The following EDEM1 variants were observed in gnomAD, a reference collection of about 807,000 sequenced individuals.
EDEM1 encodes the protein ER degradation enhancing alpha-mannosidase like protein 1, also known as ER degradation-enhancing alpha-mannosidase-like protein 1.
Under a neutral mutation model 74.4 loss-of-function variants are expected in EDEM1, and 67 were observed. That is an observed-to-expected ratio of 0.90 (90% CI 0.74 to 1.10). The LOEUF (loss-of-function observed/expected upper bound fraction) is 1.10. Ranked by LOEUF, EDEM1 falls within the 50% of genes least tolerant of loss-of-function variation. EDEM1 has a pLI of 0.00. For synonymous variants in EDEM1, 382 were observed against 335.9 expected (o/e 1.14, Z -1.50); for missense variants, 926 against 851.6 (o/e 1.09, Z -1.09).
rs149898371 is a variant in EDEM1, at chr3:5,202,559, T to C, written c.859-407T>C. 1.4e-3 allele frequency among the ~76,000 whole-genome samples: 212 copies of C among 152,334 alleles called. 1 individual carries two copies. Among genetic ancestry groups the C allele is most frequent in the African/African-American group, 5.0e-3 (207 of 41,576 alleles). On this transcript the variant is annotated intron_variant, in intron 4 of 11. Coordinates refer to ENST00000256497, the MANE Select transcript of EDEM1 (RefSeq NM_014674.3). The stretch of plus-strand genomic sequence containing the variant: ...CATATTCTGGTAGTGCCTCCTTTCT[T>C]GCCCAGTTTGAGGTTTGTTTAGGTG...
In EDEM1 at chr3:5,188,313, C is replaced by T. The variant is rs1450718455; in HGVS notation, c.508C>T (p.Pro170Ser). 3 of 1,490,728 alleles carry T rather than the reference C, an allele frequency of 2.0e-6. No homozygotes were observed. The highest frequency in any genetic ancestry group is 2.8e-5 in the East Asian group (1 of 35,910). The allele number at this position is 1,490,728 out of a possible 1,614,324, so 92.3% of individuals were successfully genotyped here. A position where few individuals can be genotyped will look rare whatever the true frequency, so the allele number is the denominator to read the frequency against. The change falls in exon 1 of 12, where the codon CCT becomes TCT. Residue 170 changes from proline to serine, a missense_variant and splice_region_variant. By Grantham distance (74) the Pro-to-Ser change is moderately conservative. Coordinates refer to ENST00000256497, the MANE Select transcript of EDEM1 (RefSeq NM_014674.3). ...CRGRGPDRGDPSNLNINDVLG... is the reference protein window; with the variant it reads ...CRGRGPDRGDSSNLNINDVLG... Reference sequence around the variant, plus strand: ...CGGCCGTGGGCCCGACCGCGGGGACCCGTGAGTAGCCCCCGCCGCCCGGGG... The same window carrying T: ...CGGCCGTGGGCCCGACCGCGGGGACTCGTGAGTAGCCCCCGCCGCCCGGGG...
chr3:5,188,536 C>G (rs2054858464), intron 1 of EDEM1: 2 of 429,108 alleles, frequency 4.7e-6, no homozygotes, highest in Non-Finnish European at 7.9e-6. Context: ...CTCCCGGAAT[C>G]TCCAAACTTC....
intron 1 of EDEM1, among the ~76,000 whole-genome samples, chr3:5,194,304 T>C (rs962325141): frequency 3.3e-5 from 5 of 152,238 alleles, no homozygotes; most frequent in Non-Finnish European, 7.3e-5. Flanking sequence ...TCTGCACTTA[T>C]TTTCTGGATT....
chr3:5,208,768 T>TAC (rs200676068), intron 8 of EDEM1, among the ~76,000 whole-genome samples: 2,416 of 151,086 alleles, frequency 0.016, 71 homozygotes, highest in African/African-American at 0.054. Flanking sequence ...TGTATATATA[T>TAC]ATACACACAC....
rs547341405 is a variant in EDEM1, at chr3:5,204,607, G to C, written c.1043-460G>C. Among the ~76,000 whole-genome samples, 9 of 152,194 alleles carry C rather than the reference G, an allele frequency of 5.9e-5. No individual in the cohort carries two copies. In the East Asian group the frequency reaches 1.7e-3, roughly 29 times the overall value. ...GAGTTTCACCATGTTGCCCAGGCTG[G>C]TCTCGAACTCCTGAGCTCAAGCGAT... On this transcript the variant is annotated intron_variant, in intron 5 of 11. Transcript: ENST00000256497.
chr3:5,207,060 C>G, intron 6 of EDEM1, 93 bp from the exon 7 acceptor site: 2 of 1,529,168 alleles, frequency 1.3e-6, no homozygotes, highest in East Asian at 2.3e-5. Context: ...AATGTTAATT[C>G]CGTTTAAATG....
chr3:5,202,814 G>T, intron 4 of EDEM1, 152 bp from the exon 5 acceptor site: 1 of 592,408 alleles, frequency 1.7e-6, no homozygotes. Flanking sequence ...TTTAATTCCC[G>T]TATTCACCTC....
At chr3:5,213,613 G>T in intron 11 of EDEM1, 91 bp downstream of exon 11, 1 of 1,254,078 alleles carries the variant, frequency 8.0e-7, no homozygotes, top group Non-Finnish European at 1.1e-6. Context: ...ACAGAAAATT[G>T]ATGGTGTATG....
In EDEM1 at chr3:5,202,956, C is replaced by T. The variant is rs771690579; in HGVS notation, c.859-10C>T. ...GTTTTGTCACAGTCTTTGTCTGTTCCCATCCCCAGGTGAATCTAAAGACAG... is the reference window on the plus strand; with the variant it reads ...GTTTTGTCACAGTCTTTGTCTGTTCTCATCCCCAGGTGAATCTAAAGACAG... On this transcript the variant is annotated splice_polypyrimidine_tract_variant and intron_variant, in intron 4 of 11. Transcript: ENST00000256497. 6.2e-7 allele frequency: 1 copy of T among 1,612,424 alleles called. No homozygotes were observed. The highest frequency in any genetic ancestry group is 1.7e-5 in the Admixed American group (1 of 59,846).
rs2054850542 is a variant in EDEM1 at position 5,188,151 on chromosome 3, A to G, written c.346A>G (p.Lys116Glu). The G allele has an allele frequency of 6.5e-7, 1 of 1,539,480 alleles. No individual in the cohort carries two copies. Among genetic ancestry groups the G allele is most frequent in the Non-Finnish European group, 8.7e-7 (1 of 1,143,416 alleles). ...GGGCCGCGGCCCGGACGAGTACGAG[A>G]AGCGCTACAGCGGCGCCTTCCCTCC... The part of the protein sequence containing the change: ...GRGRGPDEYE[K>E]RYSGAFPPQL... The change falls in exon 1 of 12, where the codon AAG becomes GAG. Residue 116 changes from lysine to glutamate, a missense_variant. Physicochemically the swap from Lys to Glu is moderately conservative, Grantham distance 56. Coordinates refer to ENST00000256497, the MANE Select transcript of EDEM1 (RefSeq NM_014674.3).
At chr3:5,212,639 A>G (rs528719408) in intron 10 of EDEM1, among the ~76,000 whole-genome samples, 7 of 152,338 alleles carry the variant, frequency 4.6e-5, no homozygotes, top group Admixed American at 1.3e-4. Context: ...TGACCAATAA[A>G]GTTTCAAAGA....
At chr3:5,204,750 G>C (rs1320542409) in intron 5 of EDEM1, among the ~76,000 whole-genome samples, 1 of 152,134 alleles carries the variant, frequency 6.6e-6, no homozygotes, top group Non-Finnish European at 1.5e-5. Flanking sequence ...GCAGTACTGG[G>C]TTAAAGTCTG....
At chr3:5,213,901 ATCT>A (rs1040128209) in intron 11 of EDEM1, among the ~76,000 whole-genome samples, 5 of 152,304 alleles carry the variant, frequency 3.3e-5, no homozygotes, top group East Asian at 3.9e-4. Flanking sequence ...CTGCTGGAGC[ATCT>A]TCTTGGCTGC....
At chr3:5,188,377 G>C (rs1339895233) in intron 1 of EDEM1, 63 bp downstream of exon 1, 1 of 1,349,684 alleles carries the variant, frequency 7.4e-7, no homozygotes, top group African/African-American at 1.5e-5. Context: ...TCCGCGCCGG[G>C]GTGCAGCCCT....
At chr3:5,199,021 A>G (rs948590424) in intron 2 of EDEM1, among the ~76,000 whole-genome samples, 1 of 152,158 alleles carries the variant, frequency 6.6e-6, no homozygotes, top group Non-Finnish European at 1.5e-5. Context: ...CTGATTATTC[A>G]TATGTTTTGT....
Position 5,217,637 on chromosome 3 carries a change from T to C in EDEM1, c.*1719T>C, listed in dbSNP as rs2055256492. ...TCTTAAACATTTATTACAACAATTG[T>C]TTTAAAATAGAAAAAATAAAATGCT... On this transcript the variant is annotated 3_prime_UTR_variant, in exon 12 of 12. Coordinates refer to ENST00000256497, the MANE Select transcript of EDEM1 (RefSeq NM_014674.3). 1 of 152,664 alleles carries C rather than the reference T, an allele frequency of 6.6e-6. No individual in the cohort carries two copies. Among genetic ancestry groups the C allele is most frequent in the African/African-American group, 2.4e-5 (1 of 41,462 alleles). 9.5% of individuals were successfully genotyped at this position (152,664 alleles called of 1,614,324 possible).
At chr3:5,190,358 C>G (rs184059052) in intron 1 of EDEM1, among the ~76,000 whole-genome samples, 21 of 152,308 alleles carry the variant, frequency 1.4e-4, no homozygotes, top group African/African-American at 4.1e-4. Context: ...AACAGTTTAA[C>G]GGGGAATTGT....
chr3:5,213,335 A>G lies in EDEM1; in HGVS notation c.1697A>G (p.Asn566Ser). ...KYLYLLFDED[N>S]PVHKSGTRYM... ...TCCCTCTAGCTGTTTGATGAAGACA[A>G]TCCAGTACACAAGTCTGGAACCAGA... Residue 566 changes from asparagine to serine, a missense_variant, in exon 11 of 12, where the codon AAT becomes AGT. Transcript: ENST00000256497. The G allele has an allele frequency of 6.2e-7, 1 of 1,613,748 alleles. No homozygotes were observed. Among genetic ancestry groups the G allele is most frequent in the Non-Finnish European group, 8.5e-7 (1 of 1,179,818 alleles).
At chr3:5,201,618 A>G (rs2055035418) in intron 3 of EDEM1, 135 bp from the exon 4 acceptor site, 2 of 936,772 alleles carry the variant, frequency 2.1e-6, no homozygotes, top group Non-Finnish European at 3.3e-6. Flanking sequence ...TCAAGAGTCC[A>G]TTAAGTCAGG....
Sources: allele counts gnomAD v4.1 joint callset (sites outside exome capture counted in the v4.1 genomes callset), GRCh38; gene constraint gnomAD v4.1.1; transcripts MANE v1.5; gene names NCBI Gene and HGNC (gene_info 2026-07-23, HGNC 2026-07-21).